The following NHS variants were observed in gnomAD, a reference collection of about 807,000 sequenced individuals.
The protein encoded by NHS is NHS actin remodeling regulator, also known as actin remodeling regulator NHS.
Under a neutral mutation model 72.5 loss-of-function variants are expected in NHS, and 5 were observed. The ratio of observed to expected loss-of-function variants is 0.07; its 90% CI spans 0.04 to 0.14. The LOEUF (loss-of-function observed/expected upper bound fraction) is 0.14, where lower values mean the gene tolerates loss of function less well. NHS is among the 10% of genes least tolerant of loss of function. The pLI is 1.00. For synonymous variants in NHS, 464 were observed against 547.7 expected, an observed-to-expected ratio of 0.85 and a Z score of 2.13; for missense variants, 1,072 against 1,355.7, an observed-to-expected ratio of 0.79 and a Z score of 3.29.
At chrX:17,560,359 A>G (rs1278840497) in intron 1 of NHS, among the ~76,000 whole-genome samples, 5 of 112,846 alleles carry the variant, frequency 4.4e-5, no homozygotes, top group African/African-American at 6.4e-5. Flanking sequence ...TCTATTTGAA[A>G]GAATAATTTC....
At chrX:17,705,822 C>A (rs1295268148) in intron 3 of NHS, 1 of 112,105 alleles carries the variant, frequency 8.9e-6, no homozygotes, top group African/African-American at 3.2e-5. Context: ...TTGCCTCAAT[C>A]TAATCATGAG....
intron 1 of NHS, among the ~76,000 whole-genome samples, chrX:17,539,017 G>A (rs751852265): frequency 1.8e-5 from 2 of 112,053 alleles, no homozygotes; most frequent in African/African-American, 6.5e-5. Flanking sequence ...CTACATGATG[G>A]GCACATGCCC....
intron 1 of NHS, among the ~76,000 whole-genome samples, chrX:17,384,885 C>T (rs1601682567): frequency 8.9e-6 from 1 of 112,082 alleles, no homozygotes; most frequent in East Asian, 2.8e-4. Context: ...TTTTGAGGGA[C>T]ATTCTATTAA....
intron 1 of NHS, among the ~76,000 whole-genome samples, chrX:17,591,530 C>T (rs1367452319): frequency 2.7e-5 from 3 of 111,766 alleles, no homozygotes; most frequent in Non-Finnish European, 5.6e-5. Flanking sequence ...TCCACCCTGC[C>T]CTTAAAATTT....
rs112221890 is a variant in NHS, at chrX:17,436,802, G to A, written c.565+60480G>A. 1.8e-3 allele frequency among the ~76,000 whole-genome samples: 195 copies of A among 110,624 alleles called. 3 individuals are homozygous for A. The highest frequency in any genetic ancestry group is 6.0e-3 in the African/African-American group (183 of 30,405). On this transcript the variant is annotated intron_variant, in intron 1 of 8. Transcript: ENST00000676302. ...ATCTGCTGGAATCCAAGAAGTCCAG[G>A]AGAGTCACCTTGGGTTCTGTGCCAG...
At chrX:17,562,902 C>T (rs769718270) in intron 1 of NHS, among the ~76,000 whole-genome samples, 1 of 111,562 alleles carries the variant, frequency 9.0e-6, no homozygotes, top group South Asian at 3.8e-4. Context: ...TTGCCTGAAT[C>T]CCTAAAATTC....
chrX:17,723,770 T>TGTGTGTGTGCGTGTGTGTGTGTGTGCGC, intron 5 of NHS, among the ~76,000 whole-genome samples: 1 of 91,319 alleles, frequency 1.1e-5, no homozygotes, highest in Admixed American at 1.1e-4. Flanking sequence ...TGTGTGTGTG[T>TGTGTGTGTGCGTGTGTGTGTGTGTGCGC]GCGCGCGCGT....
intron 1 of NHS, among the ~76,000 whole-genome samples, chrX:17,456,040 C>T (rs1461041831): frequency 1.8e-5 from 2 of 111,926 alleles, no homozygotes; most frequent in East Asian, 5.6e-4. Flanking sequence ...CTGTGAGGTG[C>T]ATTTTATTAC....
intron 1 of NHS, among the ~76,000 whole-genome samples, chrX:17,450,855 A>G: frequency 9.0e-6 from 1 of 111,592 alleles, no homozygotes; most frequent in East Asian, 2.8e-4. Context: ...CAGCCTGGGC[A>G]ACAAGAGAGA....
At chrX:17,483,783 G>A (rs747117755) in intron 1 of NHS, among the ~76,000 whole-genome samples, 1 of 110,423 alleles carries the variant, frequency 9.1e-6, no homozygotes, top group Non-Finnish European at 1.9e-5. Flanking sequence ...GAACTCCTGA[G>A]CCACATTTCC....
chrX:17,535,890 T>C (rs781045509), intron 1 of NHS, among the ~76,000 whole-genome samples: 61 of 111,026 alleles, frequency 5.5e-4, no homozygotes, highest in African/African-American at 2.0e-3. Context: ...CTGGTAACTC[T>C]TGAATAGATT....
chrX:17,635,866 C>T (rs1021926196), intron 1 of NHS, among the ~76,000 whole-genome samples: 2 of 112,234 alleles, frequency 1.8e-5, no homozygotes, highest in Admixed American at 9.4e-5. Flanking sequence ...CCAACGTTTT[C>T]GCCTTTGCTC....
At chrX:17,620,807 A>T (rs760145000) in intron 1 of NHS, among the ~76,000 whole-genome samples, 2 of 111,341 alleles carry the variant, frequency 1.8e-5, no homozygotes, top group South Asian at 7.7e-4. Context: ...AGATGAGGGA[A>T]AGTGGCCTGT....
intron 1 of NHS, among the ~76,000 whole-genome samples, chrX:17,660,168 C>G (rs748413121): frequency 8.9e-6 from 1 of 112,294 alleles, no homozygotes; most frequent in Admixed American, 9.4e-5. Flanking sequence ...CAGCTCCCAA[C>G]CTCCAGCTCC....
At chrX:17,486,329 C>G (rs964451773) in intron 1 of NHS, among the ~76,000 whole-genome samples, 4 of 112,441 alleles carry the variant, frequency 3.6e-5, no homozygotes, top group Admixed American at 9.4e-5. Context: ...CTATTGGTCA[C>G]TCATTGCTGT....
chrX:17,410,537 T>C (rs914664716), intron 1 of NHS, among the ~76,000 whole-genome samples: 66 of 103,413 alleles, frequency 6.4e-4, no homozygotes, highest in African/African-American at 8.5e-4. Context: ...TTTTTTTTTT[T>C]CCAGACCTTA....
At chrX:17,592,205 A>G (rs2065606083) in intron 1 of NHS, among the ~76,000 whole-genome samples, 1 of 112,221 alleles carries the variant, frequency 8.9e-6, no homozygotes, top group Non-Finnish European at 1.9e-5. Flanking sequence ...GTATAATACT[A>G]TCCAGAGGTG....
chrX:17,524,397 G>A (rs1281383777), intron 1 of NHS, among the ~76,000 whole-genome samples: 1 of 111,852 alleles, frequency 8.9e-6, no homozygotes, highest in Admixed American at 9.5e-5. Context: ...ATACTTTTAT[G>A]TAACCTGTGT....
intron 1 of NHS, among the ~76,000 whole-genome samples, chrX:17,503,365 C>T (rs905923482): frequency 8.9e-6 from 1 of 112,117 alleles, no homozygotes; most frequent in African/African-American, 3.2e-5. Flanking sequence ...CTCAAGATCT[C>T]AGTGACTTTA....
Sources: allele counts gnomAD v4.1 joint callset (sites outside exome capture counted in the v4.1 genomes callset), GRCh38; gene constraint gnomAD v4.1.1; transcripts MANE v1.5; gene names NCBI Gene and HGNC (gene_info 2026-07-23, HGNC 2026-07-21).